WDFY4: variants seen among roughly 807,000 people sequenced by gnomAD.
WDFY4 encodes the protein WDFY family member 4, also known as WD repeat- and FYVE domain-containing protein 4.
In WDFY4, 169 loss-of-function variants were observed where a neutral mutation model predicts 351.9. The observed-to-expected ratio is 0.48, with a 90% CI of 0.42 to 0.55. The LOEUF is 0.55. Ranked by LOEUF, WDFY4 falls within the 20% of genes least tolerant of loss-of-function variation. The pLI, the probability that WDFY4 is intolerant of heterozygous loss-of-function variation, is 0.00. For missense variants in WDFY4, 3,803 were observed against 3,935.6 expected (o/e 0.97, Z 0.90); for synonymous variants, 1,622 against 1,574.6 (o/e 1.03, Z -0.71).
At chr10:48,834,581 T>C (rs905162517) in intron 39 of WDFY4, among the ~76,000 whole-genome samples, 2 of 152,242 alleles carry the variant, frequency 1.3e-5, no homozygotes, top group African/African-American at 2.4e-5. Context: ...CATTCCCACT[T>C]GTGCCCATAT....
chr10:48,817,724 C>T (rs903242036), intron 32 of WDFY4, among the ~76,000 whole-genome samples: 1 of 152,236 alleles, frequency 6.6e-6, no homozygotes, highest in Non-Finnish European at 1.5e-5. Context: ...GACTCCCATT[C>T]CAGGAAGTCT....
At chr10:48,835,531 G>A (rs1408990776) in intron 39 of WDFY4, among the ~76,000 whole-genome samples, 5 of 152,188 alleles carry the variant, frequency 3.3e-5, no homozygotes, top group African/African-American at 4.8e-5. Context: ...CACGGGGAAT[G>A]TCTCCCTCAC....
intron 47 of WDFY4, chr10:48,910,881 A>G (rs56307938): frequency 0.028 from 27,567 of 984,086 alleles, 917 homozygotes; most frequent in African/African-American, 0.15. Flanking sequence ...CCTGGGCACC[A>G]GGTGGGCTCT....
At chr10:48,822,300 G>A (rs1477225869) in intron 34 of WDFY4, 80 bp from the exon 35 acceptor site, 14 of 1,388,070 alleles carry the variant, frequency 1.0e-5, no homozygotes, top group South Asian at 1.7e-5. Context: ...GATGCAGTTG[G>A]TCACTACAGG....
intron 39 of WDFY4, among the ~76,000 whole-genome samples, chr10:48,854,684 A>G (rs1365458525): frequency 6.6e-6 from 1 of 152,184 alleles, no homozygotes; most frequent in African/African-American, 2.4e-5. Flanking sequence ...TCTGCTTCCC[A>G]CACTGTTATT....
chr10:48,920,368 G>A (rs1838952991), intron 47 of WDFY4, among the ~76,000 whole-genome samples: 1 of 151,894 alleles, frequency 6.6e-6, no homozygotes, highest in African/African-American at 2.4e-5. Context: ...GCCTGTTGTG[G>A]GGTGGGGGGA....
chr10:48,771,725 C>T (rs1470937340), intron 13 of WDFY4, among the ~76,000 whole-genome samples: 4 of 152,202 alleles, frequency 2.6e-5, no homozygotes, highest in Non-Finnish European at 5.9e-5. Flanking sequence ...TGTCTGCCCA[C>T]GTGTATCACC....
Position 48,817,295 on chromosome 10 carries a change from C to A in WDFY4, c.5391C>A (p.Ser1797Arg), listed in dbSNP as rs371960078. 9.0e-6 allele frequency: 14 copies of A among 1,551,634 alleles called. No homozygotes were observed. Among genetic ancestry groups the A allele is most frequent in the Non-Finnish European group, 1.1e-5 (13 of 1,147,028 alleles). ...DGAWAQTFPA[S>R]VLQFLSLVHR... ...CCTGGGCACAGACCTTCCCGGCCAGCGTGCTGCAGTTCCTCAGCCTCGTCC... is the reference window on the plus strand; with the variant it reads ...CCTGGGCACAGACCTTCCCGGCCAGAGTGCTGCAGTTCCTCAGCCTCGTCC... The change falls in exon 32 of 62, where the codon AGC (serine) becomes AGA (arginine). Residue 1797 changes from serine (S) to arginine (R), a missense_variant. Coordinates refer to ENST00000325239, the MANE Select transcript of WDFY4 (RefSeq NM_001394531.1).
At chr10:48,728,245 C>T (rs963929010) in intron 7 of WDFY4, among the ~76,000 whole-genome samples, 4 of 152,216 alleles carry the variant, frequency 2.6e-5, no homozygotes, top group African/African-American at 9.6e-5. Flanking sequence ...AAGTGAACTA[C>T]CTCTTTCTCA....
chr10:48,801,537 A>C (rs1165852015), intron 24 of WDFY4: 4 of 456,442 alleles, frequency 8.8e-6, no homozygotes, highest in Admixed American at 2.4e-5. Flanking sequence ...CTGGATACCC[A>C]TGTTTTCACT....
intron 57 of WDFY4, among the ~76,000 whole-genome samples, chr10:48,973,163 C>G (rs976453220): frequency 6.6e-6 from 1 of 152,306 alleles, no homozygotes; most frequent in South Asian, 2.1e-4. Context: ...GAGCTCCTCT[C>G]TACATCCTGA....
chr10:48,916,201 C>A (rs966798336), intron 47 of WDFY4, among the ~76,000 whole-genome samples: 1 of 152,152 alleles, frequency 6.6e-6, no homozygotes, highest in African/African-American at 2.4e-5. Context: ...TCCCCTCAAC[C>A]GTTTCTCTTG....
At chr10:48,818,669 T>C (rs1286184358) in intron 32 of WDFY4, among the ~76,000 whole-genome samples, 1 of 152,118 alleles carries the variant, frequency 6.6e-6, no homozygotes, top group East Asian at 1.9e-4. Context: ...CAGTTTAAAA[T>C]AAAATTAAAT....
intron 39 of WDFY4, among the ~76,000 whole-genome samples, chr10:48,844,651 C>G (rs765319188): frequency 6.6e-6 from 1 of 152,140 alleles, no homozygotes; most frequent in Non-Finnish European, 1.5e-5. Context: ...TTGGGGCTCC[C>G]AGGTGCTTGT....
intron 60 of WDFY4, among the ~76,000 whole-genome samples, chr10:48,980,984 T>C (rs1350489140): frequency 6.6e-6 from 1 of 152,252 alleles, no homozygotes; most frequent in Non-Finnish European, 1.5e-5. Flanking sequence ...TTATTTTTAC[T>C]AGGCAATTAC....
chr10:48,929,781 C>G (rs1417441529), intron 47 of WDFY4, among the ~76,000 whole-genome samples: 1 of 152,164 alleles, frequency 6.6e-6, no homozygotes, highest in Admixed American at 6.5e-5. Context: ...GCTGCTCCAC[C>G]ACAGCCTCTT....
intron 24 of WDFY4, among the ~76,000 whole-genome samples, chr10:48,799,647 C>T (rs1397700475): frequency 6.6e-6 from 1 of 152,082 alleles, no homozygotes; most frequent in East Asian, 1.9e-4. Flanking sequence ...GTTGCGGGCG[C>T]CTGTAATCCC....
chr10:48,777,577 C>T lies in WDFY4; in HGVS notation c.3175+82C>T, dbSNP rs1041484281. ...AGATAGCCTTGATTGCAGATTTTTACTTGGTGTTTCAATAAAGTGTGAGCT... is the reference window on the plus strand; with the variant it reads ...AGATAGCCTTGATTGCAGATTTTTATTTGGTGTTTCAATAAAGTGTGAGCT... On this transcript the variant is annotated intron_variant, in intron 17 of 61. Coordinates refer to ENST00000325239, the MANE Select transcript of WDFY4 (RefSeq NM_001394531.1). 7 of 1,333,790 alleles carry T rather than the reference C, an allele frequency of 5.2e-6. No homozygotes were observed. In the East Asian group the frequency reaches 1.0e-4, roughly 19 times the overall value. The allele number at this position is 1,333,790 out of a possible 1,614,324, so 82.6% of individuals were successfully genotyped here. A position where few individuals can be genotyped will look rare whatever the true frequency, so the allele number is the denominator to read the frequency against.
At chr10:48,811,769 G>T in intron 30 of WDFY4, 61 bp downstream of exon 30, 1 of 1,512,176 alleles carries the variant, frequency 6.6e-7, no homozygotes, top group Non-Finnish European at 8.9e-7. Flanking sequence ...CATGACTAAG[G>T]CAGGTCGCCA....
Sources: allele counts gnomAD v4.1 joint callset (sites outside exome capture counted in the v4.1 genomes callset), GRCh38; gene constraint gnomAD v4.1.1; transcripts MANE v1.5; gene names NCBI Gene and HGNC (gene_info 2026-07-23, HGNC 2026-07-21).